Variants in EP300 observed in about 807,000 individuals in gnomAD.
The protein encoded by EP300 is histone acetyltransferase p300.
A neutral mutation model predicts 264.0 loss-of-function variants in EP300; 31 were observed. The observed-to-expected ratio is 0.12, with a 90% CI of 0.09 to 0.16. The LOEUF (loss-of-function observed/expected upper bound fraction) is 0.16. EP300 is among the 10% of genes least tolerant of loss of function. The pLI is 1.00. For missense variants in EP300, 2,766 were observed against 3,052.9 expected, an observed-to-expected ratio of 0.91 and a Z score of 2.21; for synonymous variants, 1,340 against 1,045.4, an observed-to-expected ratio of 1.28 and a Z score of -5.44.
At chr22:41,106,497 C>T (rs903625726) in intron 1 of EP300, among the ~76,000 whole-genome samples, 2 of 152,172 alleles carry the variant, frequency 1.3e-5, no homozygotes, top group African/African-American at 4.8e-5. Flanking sequence ...GCTGAACTGG[C>T]TGAGCTTTTA....
intron 13 of EP300, 136 bp downstream of exon 13, chr22:41,149,311 A>T: frequency 1.0e-6 from 1 of 999,702 alleles, no homozygotes; most frequent in Non-Finnish European, 1.5e-6. Context: ...TTTTGGACTT[A>T]GGGTATTCTG....
At position 41,157,156 on chromosome 22, in the gene EP300, C is replaced by T. The variant is rs201730331; in HGVS notation, c.3262-13C>T. ...GAGACTTGAGTAATGTTTGATGTCA[C>T]TTGTCTTTCTAGGATTACTTTGATA... On this transcript the variant is annotated splice_polypyrimidine_tract_variant and intron_variant, in intron 17 of 30. Transcript: ENST00000263253. 2.4e-5 allele frequency: 39 copies of T among 1,613,814 alleles called. No individual in the cohort carries two copies. The East Asian group carries it at 8.2e-4, about 34-fold the overall frequency.
chr22:41,113,697 C>T (rs2058806290), intron 1 of EP300, among the ~76,000 whole-genome samples: 1 of 152,148 alleles, frequency 6.6e-6, no homozygotes. Flanking sequence ...TAGGCGCCCG[C>T]CACCACGCCC....
At position 41,170,399 on chromosome 22, in the gene EP300, TTG is replaced by T; in HGVS notation, c.4287-5_4287-4del. The T allele has an allele frequency of 6.2e-7, 1 of 1,612,390 alleles. No homozygotes were observed. Among genetic ancestry groups the T allele is most frequent in the Non-Finnish European group, 8.5e-7 (1 of 1,178,358 alleles). ...TTCCTTAATGTTCTTTCTCTTTGTA[TTG>T]TTAGTTACACAACAGGGCATATTTG... is the stretch of plus-strand genomic sequence containing the variant. On this transcript the variant is annotated splice_region_variant and splice_polypyrimidine_tract_variant and intron_variant, in intron 26 of 30. Transcript: ENST00000263253.
Position 41,125,808 on chromosome 22 carries a change from T to TAATA in EP300, c.730-54_730-51dup. 1.9e-6 allele frequency: 3 copies of TAATA among 1,557,488 alleles called. No individual in the cohort carries two copies. The Admixed American group carries it at 5.1e-5, about 26-fold the overall frequency. ...CTTGGAAGTGAAATCAGAAAAGGAA[T>TAATA]AATAATGTCTTAAATTTTATTGCTT... On this transcript the variant is annotated intron_variant, in intron 2 of 30. Coordinates refer to ENST00000263253, the MANE Select transcript of EP300 (RefSeq NM_001429.4).
At position 41,152,283 on chromosome 22, in the gene EP300, G is replaced by C. The variant is rs2145740910; in HGVS notation, c.3075G>C (p.Glu1025Asp). The change falls in exon 16 of 31, where the codon GAG becomes GAC. Residue 1025 changes from glutamate (E) to aspartate (D), a missense_variant. Coordinates refer to ENST00000263253, the MANE Select transcript of EP300 (RefSeq NM_001429.4). ...RSTELKTEIK[E>D]EEDQPSTSAT... ...CTGAGTTAAAAACTGAAATAAAAGA[G>C]GAGGAAGACCAGCCAAGTACTTCAG... The C allele has an allele frequency of 6.2e-7, 1 of 1,614,124 alleles. No individual in the cohort carries two copies. Among genetic ancestry groups the C allele is most frequent in the Middle Eastern group, 1.6e-4 (1 of 6,062 alleles).
intron 2 of EP300, among the ~76,000 whole-genome samples, chr22:41,124,194 G>A (rs866664521): frequency 3.9e-5 from 6 of 152,366 alleles, no homozygotes; most frequent in Non-Finnish European, 5.9e-5. Context: ...GCAGTGAGCC[G>A]AAATTGCACC....
chr22:41,112,647 T>G (rs184030952), intron 1 of EP300, among the ~76,000 whole-genome samples: 10 of 152,316 alleles, frequency 6.6e-5, no homozygotes, highest in Admixed American at 6.5e-4. Context: ...GTCTTGTTTC[T>G]GTGTCCATGA....
At chr22:41,111,669 G>A (rs893945804) in intron 1 of EP300, among the ~76,000 whole-genome samples, 2 of 151,924 alleles carry the variant, frequency 1.3e-5, no homozygotes, top group African/African-American at 4.8e-5. Context: ...AGCCTCCTGA[G>A]TAGCTGAGGT....
intron 4 of EP300, among the ~76,000 whole-genome samples, chr22:41,129,404 T>C (rs1231463673): frequency 6.6e-6 from 1 of 152,238 alleles, no homozygotes; most frequent in East Asian, 1.9e-4. Context: ...TCATAGACTT[T>C]GATTTTTATT....
At chr22:41,093,333 T>C (rs2058684607) in intron 1 of EP300, among the ~76,000 whole-genome samples, 2 of 152,238 alleles carry the variant, frequency 1.3e-5, no homozygotes, top group South Asian at 4.1e-4. Flanking sequence ...GAATTAGAGC[T>C]CGTAAGTGGG....
intron 25 of EP300, 96 bp downstream of exon 25, chr22:41,168,963 G>A (rs944430919): frequency 6.4e-7 from 1 of 1,566,364 alleles, no homozygotes; most frequent in Non-Finnish European, 8.8e-7. Flanking sequence ...TGTTTAGTGT[G>A]TTTGGTTTGG....
chr22:41,122,157 C>CT (rs71328774), intron 2 of EP300, among the ~76,000 whole-genome samples: 2,501 of 35,648 alleles, frequency 0.07, 28 homozygotes, highest in African/African-American at 0.081. Context: ...TCTTCTTCTT[C>CT]TTTTTTTTTT....
chr22:41,126,399 C>G, intron 3 of EP300: 1 of 219,290 alleles, frequency 4.6e-6, no homozygotes, highest in Non-Finnish European at 9.2e-6. Context: ...GATCCGAACT[C>G]TCAGTGACCA....
rs1177417880 is a variant in EP300, at chr22:41,167,841, T to G, written c.3875-608T>G. On this transcript the variant is annotated intron_variant, in intron 23 of 30. Transcript: ENST00000263253. ...TTTTTTTTTTGTTTTTTTTTTTTTT[T>G]TTTTTTTTTTGAGACAGAGTCTCGC... is the stretch of plus-strand genomic sequence containing the variant. 6.8e-4 allele frequency among the ~76,000 whole-genome samples: 70 copies of G among 103,658 alleles called. No individual in the cohort carries two copies. The South Asian group carries it at 0.011, about 16-fold the overall frequency. 68.0% of individuals were successfully genotyped at this position (103,658 alleles called of 152,430 possible). A position where few individuals can be genotyped will look rare whatever the true frequency, so the allele number is the denominator to read the frequency against.
intron 2 of EP300, among the ~76,000 whole-genome samples, chr22:41,120,984 A>C (rs971897600): frequency 7.2e-5 from 11 of 152,166 alleles, no homozygotes; most frequent in Admixed American, 3.9e-4. Context: ...GACAGGGGCC[A>C]CTAAGCCTGG....
At chr22:41,168,990 G>A (rs1443777576) in intron 25 of EP300, 123 bp downstream of exon 25, 37 of 1,369,324 alleles carry the variant, frequency 2.7e-5, no homozygotes, top group South Asian at 3.5e-5. Flanking sequence ...AAAATCTCAA[G>A]TGTCCAGTAA....
At chr22:41,098,919 T>C (rs1180579413) in intron 1 of EP300, among the ~76,000 whole-genome samples, 1 of 151,978 alleles carries the variant, frequency 6.6e-6, no homozygotes, top group African/African-American at 2.4e-5. Flanking sequence ...CCTTACAGGA[T>C]TGTGGTTAGG....
chr22:41,176,748 C>T (rs774985256), intron 30 of EP300, 25 bp from the exon 31 acceptor site: 33 of 1,613,600 alleles, frequency 2.0e-5, no homozygotes, highest in East Asian at 1.1e-4. Context: ...GGAGAGTTTA[C>T]GTGCACCTCC....
Sources: allele counts gnomAD v4.1 joint callset (sites outside exome capture counted in the v4.1 genomes callset), GRCh38; gene constraint gnomAD v4.1.1; transcripts MANE v1.5; gene names NCBI Gene and HGNC (gene_info 2026-07-23, HGNC 2026-07-21).